The following BCL2 variants were observed in gnomAD, a reference collection of about 807,000 sequenced individuals.
BCL2 encodes the protein apoptosis regulator Bcl-2.
In BCL2, 1 loss-of-function variant was observed where a neutral mutation model predicts 14.2. The ratio of observed to expected loss-of-function variants is 0.07; its 90% CI spans 0.02 to 0.33. The LOEUF (loss-of-function observed/expected upper bound fraction) is 0.33. Among genes scored for constraint, BCL2 ranks in the 10% least tolerant of loss-of-function variants. The probability of loss-of-function intolerance (pLI) is 0.99; values close to 1 mark genes in which losing one functional copy is unlikely to be tolerated. For missense variants in BCL2, 247 were observed against 305.9 expected, an observed-to-expected ratio of 0.81 and a Z score of 1.44; for synonymous variants, 151 against 137.2, an observed-to-expected ratio of 1.10 and a Z score of -0.70.
chr18:63,289,548 G>C (rs1189193893), intron 2 of BCL2, among the ~76,000 whole-genome samples: 2 of 152,070 alleles, frequency 1.3e-5, no homozygotes, highest in African/African-American at 4.8e-5. Context: ...AAGATGGAGA[G>C]AGGAATTTGA....
intron 2 of BCL2, among the ~76,000 whole-genome samples, chr18:63,231,667 A>T (rs544637575): frequency 2.0e-5 from 3 of 152,108 alleles, no homozygotes; most frequent in Non-Finnish European, 2.9e-5. Flanking sequence ...GGAAAAAAAA[A>T]TTATAAAACT....
At chr18:63,169,335 TC>T (rs371725539) in intron 2 of BCL2, among the ~76,000 whole-genome samples, 15,862 of 83,664 alleles carry the variant, frequency 0.19, 3,735 homozygotes, top group African/African-American at 0.47. Context: ...TTCCTTTCCT[TC>T]CTTTCTTTCT....
chr18:63,265,866 A>G (rs1354634383), intron 2 of BCL2, among the ~76,000 whole-genome samples: 1 of 152,228 alleles, frequency 6.6e-6, no homozygotes, highest in African/African-American at 2.4e-5. Context: ...ATAACAAGAA[A>G]AAAGCTGGTT....
intron 2 of BCL2, chr18:63,314,934 A>G (rs1913450446): frequency 6.6e-6 from 1 of 152,182 alleles, no homozygotes. Flanking sequence ...CATCCAATTT[A>G]TGTCTTCCTA....
At chr18:63,169,400 T>C (rs1915166589) in intron 2 of BCL2, among the ~76,000 whole-genome samples, 1 of 123,174 alleles carries the variant, frequency 8.1e-6, no homozygotes, top group Non-Finnish European at 1.6e-5. Context: ...TTTCTTTCTT[T>C]CTTTTTCTTT....
At chr18:63,223,399 CAA>C (rs200044919) in intron 2 of BCL2, among the ~76,000 whole-genome samples, 1 of 83,802 alleles carries the variant, frequency 1.2e-5, no homozygotes. Flanking sequence ...GACTCCGTTT[CAA>C]AAAAAAAAAA....
chr18:63,257,537 T>A (rs767121387), intron 2 of BCL2, among the ~76,000 whole-genome samples: 4 of 152,220 alleles, frequency 2.6e-5, no homozygotes, highest in Non-Finnish European at 5.9e-5. Context: ...GGTTTTCAAC[T>A]TTCAGATCCT....
At chr18:63,308,076 A>G (rs1913194369) in intron 2 of BCL2, among the ~76,000 whole-genome samples, 1 of 152,240 alleles carries the variant, frequency 6.6e-6, no homozygotes, top group Non-Finnish European at 1.5e-5. Context: ...AACCACAGAT[A>G]GGCTGTGATG....
chr18:63,285,880 A>G (rs1045944151), intron 2 of BCL2, among the ~76,000 whole-genome samples: 2 of 152,258 alleles, frequency 1.3e-5, no homozygotes, highest in Non-Finnish European at 2.9e-5. Context: ...TAAATTTGAC[A>G]GCACACAAAC....
intron 2 of BCL2, among the ~76,000 whole-genome samples, chr18:63,257,652 G>A (rs1430796762): frequency 6.6e-6 from 1 of 152,214 alleles, no homozygotes; most frequent in Admixed American, 6.5e-5. Flanking sequence ...ATCAAGCTTG[G>A]CCCTAGCTGA....
At chr18:63,143,782 C>T (rs1394753524) in intron 2 of BCL2, among the ~76,000 whole-genome samples, 1 of 152,252 alleles carries the variant, frequency 6.6e-6, no homozygotes, top group Non-Finnish European at 1.5e-5. Flanking sequence ...CAGAACCTTG[C>T]TGCCATTGCA....
intron 2 of BCL2, among the ~76,000 whole-genome samples, chr18:63,256,408 G>A (rs1911477251): frequency 6.6e-6 from 1 of 152,056 alleles, no homozygotes; most frequent in Admixed American, 6.5e-5. Context: ...GTACAGACGG[G>A]GTTTCACCAT....
At chr18:63,296,267 T>C (rs1912792392) in intron 2 of BCL2, among the ~76,000 whole-genome samples, 1 of 152,096 alleles carries the variant, frequency 6.6e-6, no homozygotes, top group Non-Finnish European at 1.5e-5. Flanking sequence ...AACCCAGCTG[T>C]AATGGTCCAG....
intron 2 of BCL2, among the ~76,000 whole-genome samples, chr18:63,234,052 T>C (rs1910755557): frequency 6.6e-6 from 1 of 152,218 alleles, no homozygotes; most frequent in South Asian, 2.1e-4. Flanking sequence ...TTTCTGCACA[T>C]TTCCCCAACA....
intron 2 of BCL2, chr18:63,302,894 G>A: frequency 2.0e-6 from 2 of 984,956 alleles, no homozygotes; most frequent in Non-Finnish European, 2.4e-6. Flanking sequence ...TGGGCCAAAT[G>A]TATCCAAATT....
chr18:63,125,067 A>G lies in BCL2; in HGVS notation c.*3558T>C, dbSNP rs185704013. 4.5e-6 allele frequency: 1 copy of G among 221,744 alleles called. No homozygotes were observed. Among genetic ancestry groups the G allele is most frequent in the East Asian group, 6.6e-5 (1 of 15,244 alleles). 13.7% of individuals were successfully genotyped at this position (221,744 alleles called of 1,614,324 possible). On this transcript the variant is annotated 3_prime_UTR_variant, in exon 3 of 3. Coordinates refer to ENST00000333681, the MANE Select transcript of BCL2 (RefSeq NM_000633.3). The stretch of plus-strand genomic sequence containing the variant: ...AGGTGAAAGCTAGACATGTGTTGGG[A>G]TTGCCCTGATTATTTACATTTAATC...
chr18:63,154,478 C>T (rs1221306299), intron 2 of BCL2, among the ~76,000 whole-genome samples: 1 of 152,130 alleles, frequency 6.6e-6, no homozygotes, highest in Admixed American at 6.5e-5. Flanking sequence ...GGCCCTGACC[C>T]ACGCTTCCAG....
chr18:63,199,421 A>C (rs547299442), intron 2 of BCL2, among the ~76,000 whole-genome samples: 8 of 151,678 alleles, frequency 5.3e-5, no homozygotes, highest in Non-Finnish European at 7.4e-5. Flanking sequence ...ATAAACATAC[A>C]AACACTACAC....
chr18:63,163,722 C>T (rs1914977412), intron 2 of BCL2, among the ~76,000 whole-genome samples: 1 of 152,148 alleles, frequency 6.6e-6, no homozygotes, highest in Non-Finnish European at 1.5e-5. Context: ...AAGCACTTAA[C>T]AAATATCCAT....
Sources: allele counts gnomAD v4.1 joint callset (sites outside exome capture counted in the v4.1 genomes callset), GRCh38; gene constraint gnomAD v4.1.1; transcripts MANE v1.5; gene names NCBI Gene and HGNC (gene_info 2026-07-23, HGNC 2026-07-21).